The following COL13A1 variants were observed in gnomAD, a reference collection of about 807,000 sequenced individuals.
COL13A1 encodes collagen alpha-1(XIII) chain.
COL13A1 carries 89 observed loss-of-function variants against 130.9 expected under a neutral mutation model. The observed-to-expected ratio is 0.68, with a 90% CI of 0.57 to 0.81. COL13A1 has a LOEUF of 0.81. Among genes scored for constraint, COL13A1 ranks in the 30% least tolerant of loss-of-function variants. The pLI is 0.00. For missense variants in COL13A1, 879 were observed against 934.6 expected (o/e 0.94, Z 0.78); for synonymous variants, 402 against 341.6 (o/e 1.18, Z -1.95).
chr10:69,890,234 G>A (rs776319422), intron 10 of COL13A1, among the ~76,000 whole-genome samples: 58 of 152,208 alleles, frequency 3.8e-4, no homozygotes, highest in Non-Finnish European at 3.5e-4. Context: ...GAGGGGCTGC[G>A]CACTCTCACG....
At chr10:69,924,882 T>C in intron 24 of COL13A1, 81 bp from the exon 25 acceptor site, 3 of 1,403,210 alleles carry the variant, frequency 2.1e-6, no homozygotes, top group South Asian at 1.5e-5. Flanking sequence ...CTCCTGGCCC[T>C]TATCACATGG....
Position 69,878,915 on chromosome 10 carries a change from G to A in COL13A1, c.462+850G>A, listed in dbSNP as rs138054515. ...CTCCAAGCCAGACCTCCCGGTGCCC[G>A]GCTCTGTACTTCCCTGTCTGTAATG... On this transcript the variant is annotated intron_variant, in intron 6 of 40. Transcript: ENST00000645393. Among the ~76,000 whole-genome samples the A allele has an allele frequency of 4.3e-3, 655 of 152,358 alleles. 12 individuals are homozygous for A. Among genetic ancestry groups the A allele is most frequent in the Admixed American group, 0.036 (554 of 15,304 alleles).
chr10:69,843,221 CT>C (rs201796114), intron 2 of COL13A1, among the ~76,000 whole-genome samples: 13,315 of 152,080 alleles, frequency 0.088, 727 homozygotes, highest in Middle Eastern at 0.2. Context: ...CACATGATAG[CT>C]GGTGTGATGA....
chr10:69,861,366 G>T (rs1222138198), intron 2 of COL13A1, among the ~76,000 whole-genome samples: 1 of 152,166 alleles, frequency 6.6e-6, no homozygotes, highest in Admixed American at 6.5e-5. Flanking sequence ...GGGACCTCCT[G>T]GGGCCAGGGC....
At chr10:69,947,862 G>A (rs974775026) in intron 38 of COL13A1, among the ~76,000 whole-genome samples, 1 of 152,202 alleles carries the variant, frequency 6.6e-6, no homozygotes, top group African/African-American at 2.4e-5. Context: ...AAAGGACTGC[G>A]CCTTCTCAGA....
intron 29 of COL13A1, 151 bp from the exon 30 acceptor site, chr10:69,930,249 A>C (rs1352841570): frequency 9.7e-7 from 1 of 1,034,984 alleles, no homozygotes; most frequent in Admixed American, 2.6e-5. Context: ...TGCAAGCCCC[A>C]GGAGGAGCCA....
chr10:69,852,970 T>G (rs1855351190), intron 2 of COL13A1, among the ~76,000 whole-genome samples: 1 of 151,844 alleles, frequency 6.6e-6, no homozygotes, highest in Admixed American at 6.6e-5. Context: ...CCGCCTGGCC[T>G]CCCCAGCAAA....
At chr10:69,825,712 G>T (rs1411558200) in intron 2 of COL13A1, among the ~76,000 whole-genome samples, 1 of 152,214 alleles carries the variant, frequency 6.6e-6, no homozygotes, top group Non-Finnish European at 1.5e-5. Flanking sequence ...CGGTGGGTGT[G>T]TTCTTCCTTG....
intron 2 of COL13A1, among the ~76,000 whole-genome samples, chr10:69,865,092 A>AGACCCCAG (rs149034665): frequency 0.23 from 35,130 of 151,862 alleles, 4,503 homozygotes; most frequent in East Asian, 0.54. Context: ...TCTGTTAGGA[A>AGACCCCAG]GACCCCAGGA....
chr10:69,814,209 G>T (rs1275720460), intron 1 of COL13A1, among the ~76,000 whole-genome samples: 1 of 152,234 alleles, frequency 6.6e-6, no homozygotes, highest in Non-Finnish European at 1.5e-5. Context: ...GGTCATTCCA[G>T]TGGGCACCTC....
intron 2 of COL13A1, among the ~76,000 whole-genome samples, chr10:69,847,339 CA>C (rs973869484): frequency 2.3e-4 from 35 of 152,288 alleles, no homozygotes; most frequent in African/African-American, 8.2e-4. Context: ...ATTCTGTCTC[CA>C]AAACACACAT....
intron 38 of COL13A1, among the ~76,000 whole-genome samples, chr10:69,950,460 C>T (rs1273040695): frequency 6.6e-6 from 1 of 152,156 alleles, no homozygotes; most frequent in African/African-American, 2.4e-5. Flanking sequence ...CTCTGTTACC[C>T]CCGGGGTATC....
intron 2 of COL13A1, among the ~76,000 whole-genome samples, chr10:69,861,550 C>T (rs964067393): frequency 1.3e-5 from 2 of 152,116 alleles, no homozygotes; most frequent in African/African-American, 4.8e-5. Context: ...CCAGCCTCTC[C>T]ACCTCCGTCT....
intron 2 of COL13A1, among the ~76,000 whole-genome samples, chr10:69,854,239 G>A (rs530458392): frequency 4.6e-5 from 7 of 152,176 alleles, no homozygotes; most frequent in Admixed American, 1.3e-4. Flanking sequence ...GCCCCTTCTC[G>A]TGCCACATGC....
rs774184132 is a variant in COL13A1, at chr10:69,937,646, A to G, written c.1809A>G (p.Gly603=). 6.5e-7 allele frequency: 1 copy of G among 1,538,188 alleles called. No homozygotes were observed. Among genetic ancestry groups the G allele is most frequent in the East Asian group, 2.2e-5 (1 of 44,502 alleles). ...TCCCTTTCCTCCAGGGGGAAGCAGG[A>G]CTAGATGGAGCAAAAGGAGAGAAAG... The part of the protein sequence containing the change: ...QGVPGPKGEA[G]LDGAKGEKGF... The change falls in exon 34 of 41, where the codon GGA becomes GGG. Residue 603 remains glycine (G), a synonymous_variant. Coordinates refer to ENST00000645393, the MANE Select transcript of COL13A1 (RefSeq NM_001368882.1).
chr10:69,930,145 G>C (rs1342120425), intron 29 of COL13A1, 58 bp downstream of exon 29: 1 of 1,571,560 alleles, frequency 6.4e-7, no homozygotes, highest in Non-Finnish European at 8.7e-7. Context: ...CTGGGGGCAG[G>C]AGGTCGGGCA....
chr10:69,926,259 G>A (rs576962515), intron 26 of COL13A1, among the ~76,000 whole-genome samples: 2 of 152,198 alleles, frequency 1.3e-5, no homozygotes, highest in African/African-American at 2.4e-5. Flanking sequence ...TTCCTGGAAC[G>A]CATCTCCTTT....
intron 1 of COL13A1, among the ~76,000 whole-genome samples, chr10:69,811,166 G>A (rs1417726711): frequency 2.6e-5 from 4 of 152,082 alleles, no homozygotes; most frequent in Admixed American, 1.3e-4. Flanking sequence ...TTGAGCATTC[G>A]TCCAGGCATT....
chr10:69,842,189 A>G (rs925630817), intron 2 of COL13A1, among the ~76,000 whole-genome samples: 1 of 152,136 alleles, frequency 6.6e-6, no homozygotes, highest in Non-Finnish European at 1.5e-5. Flanking sequence ...GGTAATGAAT[A>G]AGTCTCGTGA....
Sources: gnomAD v4.1 joint callset for allele counts (sites outside exome capture counted in the v4.1 genomes callset) on GRCh38, gnomAD v4.1.1 for gene constraint, MANE v1.5 for transcripts, NCBI Gene and HGNC (gene_info 2026-07-23, HGNC 2026-07-21) for gene names.